Variants in CDH12 observed in about 807,000 individuals in gnomAD.
The protein encoded by CDH12 is cadherin-12.
Under a neutral mutation model 74.1 loss-of-function variants are expected in CDH12, and 41 were observed. That is an observed-to-expected ratio of 0.55 (90% CI 0.43 to 0.72). The LOEUF (loss-of-function observed/expected upper bound fraction) is 0.72. Among genes scored for constraint, CDH12 ranks in the 30% least tolerant of loss-of-function variants. CDH12 has a pLI of 0.00. For synonymous variants in CDH12, 399 were observed against 355.0 expected (o/e 1.12, Z -1.39); for missense variants, 945 against 977.2 (o/e 0.97, Z 0.44).
intron 1 of CDH12, among the ~76,000 whole-genome samples, chr5:22,555,136 C>T (rs1738742800): frequency 6.6e-6 from 1 of 152,034 alleles, no homozygotes; most frequent in South Asian, 2.1e-4. Flanking sequence ...TCCTTCCCAA[C>T]CATCCAGTTT....
chr5:22,192,518 C>T lies in CDH12; in HGVS notation c.-187+19980G>A, dbSNP rs1262470443. ...TGTAGAAGAATAAGAAGGAGAAGAG[C>T]AGACACATTTAAGGCCCTATGGACA... On this transcript the variant is annotated intron_variant, in intron 4 of 14. Transcript: ENST00000382254. Among the ~76,000 whole-genome samples the T allele has an allele frequency of 1.1e-4, 16 of 152,180 alleles. No individual in the cohort carries two copies. The South Asian group carries it at 3.1e-3, about 30-fold the overall frequency.
intron 1 of CDH12, among the ~76,000 whole-genome samples, chr5:22,514,728 G>C (rs912013496): frequency 6.6e-6 from 1 of 152,126 alleles, no homozygotes; most frequent in Non-Finnish European, 1.5e-5. Context: ...GTGCCTTCCA[G>C]ATGAACATAA....
chr5:22,372,340 C>T (rs1741329499), intron 3 of CDH12, among the ~76,000 whole-genome samples: 1 of 152,140 alleles, frequency 6.6e-6, no homozygotes, highest in Admixed American at 6.6e-5. Context: ...GCCTGCTTGG[C>T]AGCTGGGAGA....
intron 4 of CDH12, among the ~76,000 whole-genome samples, chr5:22,169,715 A>G (rs2150326909): frequency 6.6e-6 from 1 of 152,104 alleles, no homozygotes; most frequent in East Asian, 1.9e-4. Context: ...TCACTGACTA[A>G]GCACAAAGCT....
intron 6 of CDH12, among the ~76,000 whole-genome samples, chr5:21,920,651 A>G (rs1754308219): frequency 1.9e-5 from 1 of 52,992 alleles, no homozygotes; most frequent in South Asian, 6.3e-4. Context: ...CTGCACATGT[A>G]CCCCAGAACT....
Position 21,883,457 on chromosome 5 carries a change from T to G in CDH12, c.527-28667A>C, listed in dbSNP as rs558175463. On this transcript the variant is annotated intron_variant, in intron 6 of 14. Coordinates refer to ENST00000382254, the MANE Select transcript of CDH12 (RefSeq NM_004061.5). ...AAGCTCTAAGTACACTCATCTTGAA[T>G]AGGCTAAAGGTTGGTCTTCAGGTTG... 5.6e-6 allele frequency: 9 copies of G among 1,610,840 alleles called. No individual in the cohort carries two copies. The Middle Eastern group carries it at 4.9e-4, about 89-fold the overall frequency.
chr5:22,611,609 GA>G (rs1056887326), intron 1 of CDH12, among the ~76,000 whole-genome samples: 5 of 152,090 alleles, frequency 3.3e-5, no homozygotes, highest in Admixed American at 1.3e-4. Context: ...GCAGTAACCA[GA>G]AACCAGAGTA....
intron 2 of CDH12, among the ~76,000 whole-genome samples, chr5:22,481,996 G>T (rs1746403027): frequency 6.6e-6 from 1 of 152,136 alleles, no homozygotes; most frequent in Non-Finnish European, 1.5e-5. Flanking sequence ...ATGCACCAAT[G>T]AAGCTGTTAA....
chr5:22,311,671 C>T (rs533815173), intron 3 of CDH12, among the ~76,000 whole-genome samples: 1 of 148,000 alleles, frequency 6.8e-6, no homozygotes, highest in South Asian at 2.2e-4. Flanking sequence ...CCATTGCACT[C>T]CAGTCTGGGT....
At chr5:22,690,981 C>T (rs924971870) in intron 1 of CDH12, among the ~76,000 whole-genome samples, 2 of 152,100 alleles carry the variant, frequency 1.3e-5, no homozygotes, top group African/African-American at 2.4e-5. Flanking sequence ...ATGGACCGAT[C>T]CATGCAATGA....
chr5:22,569,298 T>G (rs1739434157), intron 1 of CDH12, among the ~76,000 whole-genome samples: 1 of 152,170 alleles, frequency 6.6e-6, no homozygotes, highest in East Asian at 1.9e-4. Flanking sequence ...TCTTGAGATC[T>G]GATTAAGTGT....
Position 21,945,427 on chromosome 5 carries a change from C to CAAAAAA in CDH12, c.526+29658_526+29663dup, listed in dbSNP as rs1167475672. On this transcript the variant is annotated intron_variant, in intron 6 of 14. Coordinates refer to ENST00000382254, the MANE Select transcript of CDH12 (RefSeq NM_004061.5). ...GGCAACAGAGTGAGACTGTTTCAGA[C>CAAAAAA]AAAAAAAAAAAAAAAAAAAAAAAAA... is the stretch of plus-strand genomic sequence containing the variant. Among the ~76,000 whole-genome samples the CAAAAAA allele has an allele frequency of 8.9e-3, 138 of 15,524 alleles. 17 individuals are homozygous for CAAAAAA. The highest frequency in any genetic ancestry group is 0.029 in the South Asian group (5 of 174). 10.2% of individuals were successfully genotyped at this position (15,524 alleles called of 152,430 possible).
At chr5:21,959,496 C>T (rs1400226499) in intron 6 of CDH12, among the ~76,000 whole-genome samples, 2 of 152,058 alleles carry the variant, frequency 1.3e-5, no homozygotes, top group Admixed American at 6.6e-5. Context: ...TGTGATGACA[C>T]CCATAGGCTC....
intron 9 of CDH12, among the ~76,000 whole-genome samples, chr5:21,810,609 A>G (rs963423302): frequency 5.3e-5 from 8 of 152,182 alleles, no homozygotes; most frequent in Non-Finnish European, 1.2e-4. Flanking sequence ...CTACAAGACT[A>G]GAAAAATCTG....
rs1744605715 is a variant in CDH12 at position 22,441,088 on chromosome 5, G to A, written c.-427-35737C>T. ...GAAAGAGTACAACTTTCTATATACA[G>A]AGGGCCTACTATTCACTATGTGATT... On this transcript the variant is annotated intron_variant, in intron 2 of 14. Transcript: ENST00000382254. Among the ~76,000 whole-genome samples the A allele has an allele frequency of 1.3e-5, 2 of 152,126 alleles. 1 individual carries two copies. Among genetic ancestry groups the A allele is most frequent in the South Asian group, 4.1e-4 (2 of 4,832 alleles).
chr5:22,744,598 G>T (rs1173803008), intron 1 of CDH12, among the ~76,000 whole-genome samples: 5 of 151,920 alleles, frequency 3.3e-5, no homozygotes, highest in African/African-American at 1.2e-4. Flanking sequence ...AATAAATGAG[G>T]TTATTGTATC....
chr5:22,450,240 G>C (rs1580661761), intron 2 of CDH12, among the ~76,000 whole-genome samples: 1 of 151,880 alleles, frequency 6.6e-6, no homozygotes, highest in Non-Finnish European at 1.5e-5. Context: ...TTCAGAGTTA[G>C]TGGCTACATG....
At chr5:22,379,183 A>G (rs1247793447) in intron 3 of CDH12, among the ~76,000 whole-genome samples, 1 of 152,164 alleles carries the variant, frequency 6.6e-6, no homozygotes, top group East Asian at 1.9e-4. Flanking sequence ...GCATTTTAAG[A>G]AACAAAACTG....
chr5:22,762,558 C>G (rs1191162039), intron 1 of CDH12, among the ~76,000 whole-genome samples: 1 of 152,076 alleles, frequency 6.6e-6, no homozygotes. Flanking sequence ...GGAAGACAGT[C>G]ATTTATAACC....
Sources: allele counts gnomAD v4.1 joint callset (sites outside exome capture counted in the v4.1 genomes callset), GRCh38; gene constraint gnomAD v4.1.1; transcripts MANE v1.5; gene names NCBI Gene and HGNC (gene_info 2026-07-23, HGNC 2026-07-21).